The following ROS1 variants were observed in gnomAD, a reference collection of about 807,000 sequenced individuals.
ROS1 encodes ROS proto-oncogene 1, receptor tyrosine kinase.
ROS1 carries 263 observed loss-of-function variants against 273.5 expected under a neutral mutation model. The ratio of observed to expected loss-of-function variants is 0.96; its 90% CI spans 0.87 to 1.06. ROS1 has a LOEUF of 1.06. Among genes scored for constraint, ROS1 ranks in the 50% least tolerant of loss-of-function variants. The pLI, the probability that ROS1 is intolerant of heterozygous loss-of-function variation, is 0.00. For missense variants in ROS1, 2,833 were observed against 2,751.1 expected, an observed-to-expected ratio of 1.03 and a Z score of -0.67; for synonymous variants, 1,008 against 954.1, an observed-to-expected ratio of 1.06 and a Z score of -1.04.
chr6:117,405,167 TGG>T (rs1203734412), intron 5 of ROS1, among the ~76,000 whole-genome samples: 3 of 152,180 alleles, frequency 2.0e-5, no homozygotes, highest in East Asian at 3.8e-4. Flanking sequence ...TGAGAAAGCA[TGG>T]TAAATTTGGT....
chr6:117,320,041 G>A lies in ROS1; in HGVS notation c.5760-11C>T, dbSNP rs751259259. ...TGGGTTGGAAGAGTACTGTAAAATA[G>A]CAACATTTTTGTCTCCCCACCCTCC... On this transcript the variant is annotated splice_polypyrimidine_tract_variant and intron_variant, in intron 36 of 43. Transcript: ENST00000368507. 6.2e-7 allele frequency: 1 copy of A among 1,612,182 alleles called. No homozygotes were observed. The highest frequency in any genetic ancestry group is 8.5e-7 in the Non-Finnish European group (1 of 1,178,934).
chr6:117,392,711 G>T (rs913865816), intron 12 of ROS1, among the ~76,000 whole-genome samples: 1 of 152,114 alleles, frequency 6.6e-6, no homozygotes, highest in African/African-American at 2.4e-5. Flanking sequence ...CATTTCATTT[G>T]GGGGTAGGAG....
chr6:117,346,318 T>G (rs764282014), intron 27 of ROS1, among the ~76,000 whole-genome samples: 5 of 152,104 alleles, frequency 3.3e-5, no homozygotes, highest in Non-Finnish European at 2.9e-5. Flanking sequence ...AGGACCAAGA[T>G]AACTTGTAAT....
At chr6:117,292,039 G>A (rs1378766122) in intron 43 of ROS1, among the ~76,000 whole-genome samples, 2 of 150,974 alleles carry the variant, frequency 1.3e-5, no homozygotes, top group African/African-American at 2.4e-5. Context: ...GTGCGATCTC[G>A]GCTCACTGCA....
intron 17 of ROS1, 50 bp from the exon 18 acceptor site, chr6:117,379,209 T>C: frequency 8.6e-7 from 1 of 1,158,120 alleles, no homozygotes; most frequent in Non-Finnish European, 1.3e-6. Flanking sequence ...GTTTGAAGCA[T>C]AACTTTGTGA....
intron 1 of ROS1, 32 bp from the exon 2 acceptor site, chr6:117,418,538 C>T (rs1460718195): frequency 6.4e-7 from 1 of 1,563,498 alleles, no homozygotes; most frequent in East Asian, 2.3e-5. Flanking sequence ...TAAACACCAG[C>T]CATCAGTACT....
chr6:117,417,679 A>G (rs1775436546), intron 2 of ROS1, among the ~76,000 whole-genome samples: 2 of 152,114 alleles, frequency 1.3e-5, no homozygotes, highest in African/African-American at 2.4e-5. Context: ...CCCTCTATAC[A>G]TGTACCCCAA....
intron 21 of ROS1, 64 bp from the exon 22 acceptor site, chr6:117,362,929 T>C: frequency 1.5e-6 from 2 of 1,322,072 alleles, no homozygotes; most frequent in Non-Finnish European, 2.1e-6. Flanking sequence ...ATAAGACTTT[T>C]ACCACTTATA....
chr6:117,312,622 G>A (rs1775626857), intron 39 of ROS1, among the ~76,000 whole-genome samples: 1 of 152,016 alleles, frequency 6.6e-6, no homozygotes, highest in Non-Finnish European at 1.5e-5. Flanking sequence ...ATTTCAGTCT[G>A]GTGGCTAGTG....
At position 117,357,814 on chromosome 6, in the gene ROS1, G is replaced by A. The variant is rs1052987141; in HGVS notation, c.3829C>T (p.Pro1277Ser). 1.0e-5 allele frequency: 16 copies of A among 1,595,342 alleles called. No homozygotes were observed. The highest frequency in any genetic ancestry group is 1.3e-5 in the African/African-American group (1 of 74,532). Residue 1277 changes from proline to serine, a missense_variant, in exon 25 of 44, where the codon CCT (proline) becomes TCT (serine). Physicochemically the swap from Pro to Ser is moderately conservative, Grantham distance 74 (BLOSUM62 -1). Transcript: ENST00000368507. ...CTTGCATTTACATACCTTAAAAGAG[G>A]ATATACAGAAAAAGAAATTATTGTT... ...NSTIISFSVY[P>S]LLSRLYWTEV...
At chr6:117,290,402 G>C (rs549926130) in intron 43 of ROS1, among the ~76,000 whole-genome samples, 230 of 152,274 alleles carry the variant, frequency 1.5e-3, no homozygotes, top group Admixed American at 2.3e-3. Flanking sequence ...AAGAGACTGC[G>C]ATAGTAGAGA....
intron 12 of ROS1, among the ~76,000 whole-genome samples, chr6:117,390,179 T>C (rs1772948642): frequency 6.6e-6 from 1 of 151,530 alleles, no homozygotes. Flanking sequence ...CAGGCTGGAG[T>C]TCAGTGACAC....
chr6:117,308,182 C>T (rs1775256264), intron 42 of ROS1, among the ~76,000 whole-genome samples: 2 of 152,034 alleles, frequency 1.3e-5, no homozygotes, highest in Admixed American at 6.6e-5. Flanking sequence ...AACCTTTTTC[C>T]TTATAATTTG....
At chr6:117,333,033 C>CA (rs1424119768) in intron 32 of ROS1, among the ~76,000 whole-genome samples, 2 of 148,010 alleles carry the variant, frequency 1.4e-5, no homozygotes, top group East Asian at 2.0e-4. Context: ...AAAAGCCCTC[C>CA]AAAAAAAATC....
At chr6:117,337,822 C>CT (rs993287456) in intron 31 of ROS1, among the ~76,000 whole-genome samples, 6 of 151,926 alleles carry the variant, frequency 3.9e-5, no homozygotes, top group African/African-American at 9.7e-5. Flanking sequence ...CAAACTAAGA[C>CT]TTTTTTTTCC....
intron 11 of ROS1, 114 bp downstream of exon 11, chr6:117,394,048 G>T: frequency 1.6e-6 from 1 of 609,788 alleles, no homozygotes; most frequent in Non-Finnish European, 2.6e-6. Context: ...CTAAGGCATA[G>T]TAAATACTTG....
chr6:117,356,858 A>G lies in ROS1; in HGVS notation c.3897T>C (p.Ile1299=), dbSNP rs762076832. The change falls in exon 26 of 44, where the codon ATT becomes ATC. Residue 1299 remains isoleucine, a synonymous_variant. Transcript: ENST00000368507. ...GAATTCGGTGCAAGGTGTGACTGAT[A>G]ATACTGTAGTAGAACATCTGGTAGC... is the stretch of plus-strand genomic sequence containing the variant. ...NFGYQMFYYS[I]ISHTLHRILQ... is the part of the protein sequence containing the mutation. The G allele has an allele frequency of 1.0e-4, 165 of 1,614,162 alleles. 1 individual carries two copies. The Middle Eastern group carries it at 2.1e-3, about 21-fold the overall frequency.
At chr6:117,411,545 G>A (rs763404535) in intron 4 of ROS1, among the ~76,000 whole-genome samples, 6 of 151,988 alleles carry the variant, frequency 3.9e-5, no homozygotes, top group East Asian at 3.9e-4. Context: ...TGCTCTCTCC[G>A]TTCCCCCACA....
At chr6:117,418,649 G>A in intron 1 of ROS1, 143 bp from the exon 2 acceptor site, 1 of 557,656 alleles carries the variant, frequency 1.8e-6, no homozygotes, top group Non-Finnish European at 3.1e-6. Flanking sequence ...ATGTTTTAGA[G>A]GCATTAAATT....
Sources: gnomAD v4.1 joint callset for allele counts (sites outside exome capture counted in the v4.1 genomes callset) on GRCh38, gnomAD v4.1.1 for gene constraint, MANE v1.5 for transcripts, NCBI Gene and HGNC (gene_info 2026-07-23, HGNC 2026-07-21) for gene names.